The following MATK variants were observed in gnomAD, a reference collection of about 807,000 sequenced individuals.
MATK encodes megakaryocyte-associated tyrosine kinase, also known as megakaryocyte-associated tyrosine-protein kinase.
MATK carries 41 observed loss-of-function variants against 59.8 expected under a neutral mutation model. That is an observed-to-expected ratio of 0.69 (90% CI 0.53 to 0.89). MATK has a LOEUF of 0.89. Ranked by LOEUF, MATK falls within the 40% of genes least tolerant of loss-of-function variation. MATK has a pLI of 0.00. For missense variants in MATK, 593 were observed against 719.6 expected (o/e 0.82, Z 2.01); for synonymous variants, 308 against 306.1 (o/e 1.01, Z -0.06).
intron 1 of MATK, among the ~76,000 whole-genome samples, chr19:3,792,457 G>A (rs2145112508): frequency 6.6e-6 from 1 of 152,022 alleles, no homozygotes; most frequent in Non-Finnish European, 1.5e-5. Context: ...GCAGTGTTAG[G>A]GACTGGGCTC....
intron 8 of MATK, 113 bp from the exon 9 acceptor site, chr19:3,779,910 G>A (rs2030916356): frequency 1.4e-6 from 1 of 715,030 alleles, no homozygotes; most frequent in Non-Finnish European, 2.5e-6. Flanking sequence ...TCACACAGCT[G>A]CGGGTCCCCA....
At position 3,784,182 on chromosome 19, in the gene MATK, C is replaced by T; in HGVS notation, c.304G>A (p.Ala102Thr). ...GCCTCCCGCTCCCGCAGCGCCCCAG[C>T]TGCCAGCAGCCCCTCCTGTCCACTG... ...HTSGQEGLLA[A>T]GALREREALS... is the part of the protein sequence containing the mutation. Residue 102 changes from alanine (A) to threonine (T), a missense_variant, in exon 5 of 14, where the codon GCT becomes ACT. Transcript: ENST00000310132. The T allele has an allele frequency of 2.0e-5, 33 of 1,613,588 alleles. No homozygotes were observed. Among genetic ancestry groups the T allele is most frequent in the Non-Finnish European group, 2.8e-5 (33 of 1,179,810 alleles).
At chr19:3,789,545 T>C, upstream of MATK, 1 of 499,836 alleles carries the variant, frequency 2.0e-6, no homozygotes, top group Non-Finnish European at 3.6e-6. Flanking sequence ...GGTGTTGGGT[T>C]CGCAAATTGT....
At chr19:3,783,288 C>T (rs553314298) in intron 6 of MATK, 69 bp from the exon 7 acceptor site, 70 of 145,820 alleles carry the variant, frequency 4.8e-4, no homozygotes, top group East Asian at 3.0e-3. Flanking sequence ...GTTCCGTTCC[C>T]GGGTGGCCTC....
chr19:3,784,274 G>C (rs781414706), intron 4 of MATK, 35 bp from the exon 5 acceptor site: 7 of 1,599,520 alleles, frequency 4.4e-6, no homozygotes, highest in Non-Finnish European at 6.0e-6. Context: ...AGTGTGGGGG[G>C]TGTGGGGGTG....
upstream of MATK, chr19:3,787,507 C>A (rs1186889971): frequency 6.6e-6 from 1 of 152,124 alleles, no homozygotes; most frequent in Non-Finnish European, 1.5e-5. Context: ...TCCTGAGTAG[C>A]TGGGATTACA....
At chr19:3,784,917 G>T in intron 2 of MATK, 33 bp from the exon 3 acceptor site, 1 of 1,479,970 alleles carries the variant, frequency 6.8e-7, no homozygotes, top group Non-Finnish European at 9.3e-7. Context: ...GTGGGAGCTG[G>T]GCTGGGACCC....
rs2066771 is a variant in MATK at position 3,779,655 on chromosome 19, A to AC, written c.843-39dup. The AC allele has an allele frequency of 6.3e-3, 10,133 of 1,604,468 alleles. 331 individuals carry two copies. In the African/African-American group the frequency reaches 0.1, roughly 16 times the overall value. On this transcript the variant is annotated intron_variant, in intron 9 of 13. Coordinates refer to ENST00000310132, the MANE Select transcript of MATK (RefSeq NM_139355.3). The stretch of plus-strand genomic sequence containing the variant: ...GGGTGGGCGTGAGGGCAGGGCTGGG[A>AC]CCCCCCCCGTCCCACGGTCCCCAGC...
At chr19:3,794,969 C>T (rs928349608) in intron 1 of MATK, among the ~76,000 whole-genome samples, 64 of 137,044 alleles carry the variant, frequency 4.7e-4, no homozygotes, top group African/African-American at 1.5e-3. Flanking sequence ...CTTTTCTTTT[C>T]TTTTGCTTTT....
intron 2 of MATK, 51 bp downstream of exon 2, chr19:3,785,013 G>A: frequency 6.3e-7 from 1 of 1,583,214 alleles, no homozygotes; most frequent in Non-Finnish European, 8.7e-7. Context: ...AGGCATCCTG[G>A]ATGGGACCCA....
At chr19:3,795,751 C>CTTTTTTTTTT (rs530367941) in intron 1 of MATK, among the ~76,000 whole-genome samples, 2 of 54,784 alleles carry the variant, frequency 3.7e-5, no homozygotes, top group African/African-American at 1.4e-4. Context: ...TAAGTAGGTG[C>CTTTTTTTTTT]TTTTTTTTTT....
intron 1 of MATK, among the ~76,000 whole-genome samples, chr19:3,797,434 C>T (rs904000533): frequency 6.6e-6 from 1 of 151,376 alleles, no homozygotes; most frequent in African/African-American, 2.4e-5. Context: ...GTAGCTGGGA[C>T]TACAGGTGCC....
In MATK at chr19:3,784,024, G is replaced by A. The variant is rs775727448; in HGVS notation, c.372C>T (p.His124=). ...DPKLSLMPWF[H]GKISGQEAVQ... ...CAGCCTCCTGGCCCGAGATCTTCCC[G>A]TGGAACCACCTGCGGCCACGGAAGG... The change falls in exon 6 of 14, where the codon CAC becomes CAT. Residue 124 remains histidine (H), a synonymous_variant. Transcript: ENST00000310132. The A allele has an allele frequency of 7.9e-5, 127 of 1,605,106 alleles. No individual in the cohort carries two copies. The highest frequency in any genetic ancestry group is 1.0e-4 in the Non-Finnish European group (121 of 1,174,884).
upstream of MATK, chr19:3,786,527 A>AACC (rs1568408777): frequency 3.5e-5 from 12 of 344,630 alleles, no homozygotes; most frequent in Admixed American, 1.4e-4. The surrounding 1 kb of genome is among the most constrained non-coding windows in gnomAD (Gnocchi z 4.1). Flanking sequence ...TCGGGCGTGC[A>AACC]CCCCCCACCC....
chr19:3,786,982 G>GGGTGGGGGCCCCA (rs1444599558), upstream of MATK, among the ~76,000 whole-genome samples: 3 of 152,178 alleles, frequency 2.0e-5, no homozygotes, highest in African/African-American at 7.2e-5. This position sits in a 1 kb window ranked among gnomAD's most constrained non-coding sequence, Gnocchi z 4.1. Context: ...CCCATATGGA[G>GGGTGGGGGCCCCA]GGTGGGGGCC....
At chr19:3,782,252 A>G (rs2037412619) in intron 7 of MATK, among the ~76,000 whole-genome samples, 1 of 151,994 alleles carries the variant, frequency 6.6e-6, no homozygotes, top group Non-Finnish European at 1.5e-5. Flanking sequence ...TGTCCCCTCC[A>G]CTGCCCTCTG....
chr19:3,800,939 C>A (rs2037637754), intron 1 of MATK, among the ~76,000 whole-genome samples: 1 of 152,148 alleles, frequency 6.6e-6, no homozygotes, highest in Non-Finnish European at 1.5e-5. Flanking sequence ...CGGCTCACTA[C>A]AACCTTGGTC....
At chr19:3,793,022 G>A (rs905107546) in intron 1 of MATK, 33 of 152,246 alleles carry the variant, frequency 2.2e-4, no homozygotes, top group African/African-American at 8.0e-4. Context: ...GGGACTCCGG[G>A]ATTGAGGGGA....
chr19:3,789,322 C>T (rs758144183), upstream of MATK: 4 of 778,184 alleles, frequency 5.1e-6, no homozygotes, highest in South Asian at 2.7e-5. Flanking sequence ...GCCTTCTCTT[C>T]GTTCAGCAGG....
Sources: gnomAD v4.1 joint callset for allele counts (sites outside exome capture counted in the v4.1 genomes callset) on GRCh38, gnomAD v4.1.1 for gene constraint, Gnocchi (gnomAD v3.1) non-coding constraint, MANE v1.5 for transcripts, NCBI Gene and HGNC (gene_info 2026-07-23, HGNC 2026-07-21) for gene names.